The following STX8 variants were observed in gnomAD, a reference collection of about 807,000 sequenced individuals.
STX8 encodes syntaxin-8.
A neutral mutation model predicts 37.5 loss-of-function variants in STX8; 23 were observed. The observed-to-expected ratio is 0.61, with a 90% CI of 0.44 to 0.87. The LOEUF is 0.87. Ranked by LOEUF, STX8 falls within the 40% of genes least tolerant of loss-of-function variation. STX8 has a pLI of 0.00. For missense variants in STX8, 313 were observed against 284.7 expected, an observed-to-expected ratio of 1.10 and a Z score of -0.71; for synonymous variants, 115 against 99.1, an observed-to-expected ratio of 1.16 and a Z score of -0.95.
At chr17:9,573,723 G>A (rs1023287772) in intron 1 of STX8, among the ~76,000 whole-genome samples, 3 of 152,100 alleles carry the variant, frequency 2.0e-5, no homozygotes, top group Non-Finnish European at 2.9e-5. Flanking sequence ...GAGCCCAACA[G>A]TTCTATTTCA....
At chr17:9,423,815 C>T (rs936677201) in intron 6 of STX8, among the ~76,000 whole-genome samples, 1 of 152,144 alleles carries the variant, frequency 6.6e-6, no homozygotes, top group Non-Finnish European at 1.5e-5. Context: ...GACACTGCAC[C>T]AGACCATCTT....
intron 2 of STX8, among the ~76,000 whole-genome samples, chr17:9,566,084 T>C (rs1484975729): frequency 1.3e-5 from 2 of 152,184 alleles, no homozygotes; most frequent in Non-Finnish European, 2.9e-5. Flanking sequence ...ATAGCCAGTA[T>C]CTATAAGGAA....
chr17:9,322,100 G>C (rs536567865), intron 7 of STX8, among the ~76,000 whole-genome samples: 1 of 152,140 alleles, frequency 6.6e-6, no homozygotes, highest in East Asian at 1.9e-4. Context: ...GAATACGTTC[G>C]TCCCAGGGCT....
chr17:9,284,892 T>G (rs771134524), intron 7 of STX8, among the ~76,000 whole-genome samples: 20 of 152,166 alleles, frequency 1.3e-4, no homozygotes, highest in Non-Finnish European at 2.5e-4. Flanking sequence ...TCCCTTAGTC[T>G]TATGTTTTAA....
At chr17:9,295,353 G>A (rs1597588945) in intron 7 of STX8, among the ~76,000 whole-genome samples, 1 of 152,302 alleles carries the variant, frequency 6.6e-6, no homozygotes, top group East Asian at 1.9e-4. Context: ...GACCACCTTA[G>A]TCAACTTTAT....
At chr17:9,501,632 AG>A (rs1904614486) in intron 5 of STX8, among the ~76,000 whole-genome samples, 2 of 152,030 alleles carry the variant, frequency 1.3e-5, no homozygotes, top group Admixed American at 1.3e-4. Flanking sequence ...CGGAGGATGC[AG>A]TAAGCCAGGA....
At chr17:9,544,867 C>T (rs1271322841) in intron 4 of STX8, among the ~76,000 whole-genome samples, 6 of 151,974 alleles carry the variant, frequency 3.9e-5, no homozygotes, top group South Asian at 2.1e-4. Context: ...TGGCGGTGGG[C>T]GCCTGTAATC....
chr17:9,282,557 C>A (rs530589971), intron 7 of STX8, among the ~76,000 whole-genome samples: 2 of 152,188 alleles, frequency 1.3e-5, no homozygotes, highest in African/African-American at 4.8e-5. Context: ...CAGAAAGGCA[C>A]GCAGTTGGTG....
intron 7 of STX8, among the ~76,000 whole-genome samples, chr17:9,330,932 A>G (rs1283522144): frequency 6.6e-6 from 1 of 152,274 alleles, no homozygotes; most frequent in Non-Finnish European, 1.5e-5. Flanking sequence ...AAATCCAGGC[A>G]CGAATAACTA....
intron 6 of STX8, among the ~76,000 whole-genome samples, chr17:9,462,680 A>G (rs1458891666): frequency 6.6e-6 from 1 of 152,150 alleles, no homozygotes; most frequent in Non-Finnish European, 1.5e-5. Context: ...CCGAGATCAC[A>G]CCACTGCACT....
intron 4 of STX8, among the ~76,000 whole-genome samples, chr17:9,541,037 A>G (rs1413667122): frequency 6.6e-6 from 1 of 152,078 alleles, no homozygotes. Flanking sequence ...CAGTGGCAGG[A>G]CCCAAGAGGT....
chr17:9,336,730 A>G (rs888677322), intron 7 of STX8, among the ~76,000 whole-genome samples: 10 of 152,116 alleles, frequency 6.6e-5, no homozygotes, highest in Admixed American at 2.6e-4. Context: ...CACCGTGCCC[A>G]GCCTACTTTC....
chr17:9,404,216 A>T (rs1220054193), intron 6 of STX8, among the ~76,000 whole-genome samples: 1 of 152,060 alleles, frequency 6.6e-6, no homozygotes, highest in Non-Finnish European at 1.5e-5. Flanking sequence ...GGAGGAAGAA[A>T]AGGGGTTGGT....
chr17:9,450,179 A>C (rs1283071470), intron 6 of STX8, among the ~76,000 whole-genome samples: 1 of 151,744 alleles, frequency 6.6e-6, no homozygotes, highest in East Asian at 1.9e-4. Context: ...CCCAGGCTCA[A>C]GTGATTCTGC....
intron 7 of STX8, among the ~76,000 whole-genome samples, chr17:9,260,880 G>A (rs1906996410): frequency 6.6e-6 from 1 of 152,214 alleles, no homozygotes; most frequent in East Asian, 1.9e-4. Flanking sequence ...CTGCTCTGCA[G>A]GAACACAGAA....
intron 6 of STX8, among the ~76,000 whole-genome samples, chr17:9,450,036 C>A (rs941061275): frequency 1.3e-5 from 2 of 149,126 alleles, no homozygotes; most frequent in Non-Finnish European, 2.9e-5. Flanking sequence ...GTATATATAT[C>A]AAAACTCATT....
intron 6 of STX8, among the ~76,000 whole-genome samples, chr17:9,401,001 T>A (rs1450941334): frequency 1.3e-5 from 2 of 150,350 alleles, no homozygotes. Flanking sequence ...AGAACTCTGC[T>A]CTCTTTGAAA....
intron 3 of STX8, 86 bp from the exon 4 acceptor site, chr17:9,545,368 G>C (rs1016448452): frequency 1.3e-5 from 13 of 1,030,446 alleles, no homozygotes; most frequent in Non-Finnish European, 1.5e-5. Flanking sequence ...CAAGTCAGTT[G>C]TGGCTTTTAC....
At chr17:9,493,851 T>C (rs2142480341) in intron 5 of STX8, among the ~76,000 whole-genome samples, 1 of 152,316 alleles carries the variant, frequency 6.6e-6, no homozygotes, top group African/African-American at 2.4e-5. Flanking sequence ...CTTATAATAG[T>C]GAAAAATTAG....
Sources: allele counts gnomAD v4.1 joint callset (sites outside exome capture counted in the v4.1 genomes callset), GRCh38; gene constraint gnomAD v4.1.1; transcripts MANE v1.5; gene names NCBI Gene and HGNC (gene_info 2026-07-23, HGNC 2026-07-21).